Variants in TMEM132D observed in about 807,000 individuals in gnomAD.
TMEM132D encodes the protein transmembrane protein 132D, also known as mature OL transmembrane protein.
TMEM132D carries 21 observed loss-of-function variants against 62.3 expected under a neutral mutation model. That is an observed-to-expected ratio of 0.34 (90% CI 0.24 to 0.49). TMEM132D has a LOEUF of 0.49. Ranked by LOEUF, TMEM132D falls within the 20% of genes least tolerant of loss-of-function variation. TMEM132D has a pLI of 0.99. For missense variants in TMEM132D, 1,346 were observed against 1,402.8 expected (o/e 0.96, Z 0.65); for synonymous variants, 621 against 575.6 (o/e 1.08, Z -1.13).
intron 2 of TMEM132D, among the ~76,000 whole-genome samples, chr12:129,699,059 G>A (rs1445312904): frequency 1.3e-5 from 2 of 152,162 alleles, no homozygotes; most frequent in Non-Finnish European, 2.9e-5. Flanking sequence ...CTAAACAGCT[G>A]TTGTAATCAA....
At chr12:129,383,862 G>C (rs947048193) in intron 3 of TMEM132D, among the ~76,000 whole-genome samples, 7 of 152,180 alleles carry the variant, frequency 4.6e-5, no homozygotes, top group African/African-American at 1.4e-4. Flanking sequence ...CCAAATCCCA[G>C]AGAGCCTGAT....
At chr12:129,091,937 C>A (rs1422193624) in intron 5 of TMEM132D, among the ~76,000 whole-genome samples, 2 of 152,220 alleles carry the variant, frequency 1.3e-5, no homozygotes, top group African/African-American at 4.8e-5. Flanking sequence ...AACTCCCCCT[C>A]TGGGAGATGA....
In TMEM132D at chr12:129,392,015, C is replaced by A. The variant is rs1205626328; in HGVS notation, c.1116-54198G>T. ...CAGGTGATCTGCCTGCCTCAGCCTC[C>A]CAAAGTGTTGGGATTACAGGCGTGA... On this transcript the variant is annotated intron_variant, in intron 3 of 8. Transcript: ENST00000422113. Among the ~76,000 whole-genome samples the A allele has an allele frequency of 2.6e-5, 4 of 152,084 alleles. 1 individual carries two copies. The South Asian group carries it at 6.2e-4, about 24-fold the overall frequency.
chr12:129,688,122 T>C (rs574513932), intron 2 of TMEM132D, among the ~76,000 whole-genome samples: 1 of 152,198 alleles, frequency 6.6e-6, no homozygotes, highest in South Asian at 2.1e-4. Flanking sequence ...GGGATTAACA[T>C]CCTGAAAAGA....
chr12:129,869,015 T>C (rs985915339), intron 1 of TMEM132D, among the ~76,000 whole-genome samples: 6 of 151,746 alleles, frequency 4.0e-5, no homozygotes, highest in Admixed American at 3.3e-4. Flanking sequence ...TCATCATATC[T>C]GGCCCTTAGA....
chr12:129,662,017 T>C (rs1182951437), intron 2 of TMEM132D, among the ~76,000 whole-genome samples: 3 of 152,218 alleles, frequency 2.0e-5, no homozygotes, highest in Non-Finnish European at 2.9e-5. Flanking sequence ...AGAAGTGTAA[T>C]AGAAGCTCAG....
At chr12:129,606,909 T>G (rs997353537) in intron 2 of TMEM132D, among the ~76,000 whole-genome samples, 1 of 152,178 alleles carries the variant, frequency 6.6e-6, no homozygotes, top group Non-Finnish European at 1.5e-5. Context: ...CATAGAACAG[T>G]GAGAGGTGGC....
intron 4 of TMEM132D, among the ~76,000 whole-genome samples, chr12:129,285,345 C>A (rs1022292944): frequency 2.4e-5 from 3 of 126,450 alleles, no homozygotes; most frequent in Non-Finnish European, 5.0e-5. Context: ...ATAGTGAAAC[C>A]CTGTCTCCAC....
At chr12:129,721,787 G>A (rs1031066568) in intron 1 of TMEM132D, among the ~76,000 whole-genome samples, 7 of 152,150 alleles carry the variant, frequency 4.6e-5, no homozygotes, top group Non-Finnish European at 7.4e-5. Context: ...CCAGAGAACC[G>A]ACCCCAGCAA....
At position 129,605,454 on chromosome 12, in the gene TMEM132D, G is replaced by A. The variant is rs561005964; in HGVS notation, c.969-74249C>T. Among the ~76,000 whole-genome samples the A allele has an allele frequency of 1.7e-3, 255 of 151,702 alleles. 4 individuals carry two copies. The highest frequency in any genetic ancestry group is 4.7e-4 in the Non-Finnish European group (32 of 67,962). ...CTCACATCCAGGAAAAAATGGTCTCGTCTGATCTTATATTCTCCTGAATAG... is the reference window on the plus strand; with the variant it reads ...CTCACATCCAGGAAAAAATGGTCTCATCTGATCTTATATTCTCCTGAATAG... On this transcript the variant is annotated intron_variant, in intron 2 of 8. Coordinates refer to ENST00000422113, the MANE Select transcript of TMEM132D (RefSeq NM_133448.3).
intron 3 of TMEM132D, among the ~76,000 whole-genome samples, chr12:129,421,453 C>A (rs1872322263): frequency 6.6e-6 from 1 of 152,214 alleles, no homozygotes; most frequent in Non-Finnish European, 1.5e-5. Flanking sequence ...GCTTGTCGCA[C>A]CCCATGGGGG....
chr12:129,199,660 C>T (rs1024599394), intron 5 of TMEM132D, among the ~76,000 whole-genome samples: 3 of 152,204 alleles, frequency 2.0e-5, no homozygotes, highest in Admixed American at 6.5e-5. Flanking sequence ...CACAGTTCCA[C>T]ATGGCTGGGA....
At chr12:129,152,107 C>G (rs972041028) in intron 5 of TMEM132D, among the ~76,000 whole-genome samples, 1 of 152,102 alleles carries the variant, frequency 6.6e-6, no homozygotes, top group African/African-American at 2.4e-5. Context: ...GATCTCTTGA[C>G]CTCATGATCT....
At chr12:129,422,331 A>G (rs79696430) in intron 3 of TMEM132D, among the ~76,000 whole-genome samples, 2,530 of 152,250 alleles carry the variant, frequency 0.017, 87 homozygotes, top group African/African-American at 0.058. Flanking sequence ...ACATAATAAG[A>G]AGAGAACACC....
chr12:129,461,819 C>T (rs567090625), intron 3 of TMEM132D, among the ~76,000 whole-genome samples: 158 of 152,064 alleles, frequency 1.0e-3, no homozygotes, highest in Admixed American at 3.9e-3. Flanking sequence ...TCAGCAGGTA[C>T]ATAGATAGAG....
chr12:129,389,482 T>C (rs932229541), intron 3 of TMEM132D, among the ~76,000 whole-genome samples: 19 of 151,854 alleles, frequency 1.3e-4, no homozygotes, highest in African/African-American at 4.3e-4. Context: ...ACACCAACAC[T>C]AACACCAACA....
chr12:129,773,185 T>C (rs948554430), intron 1 of TMEM132D, among the ~76,000 whole-genome samples: 9 of 152,212 alleles, frequency 5.9e-5, no homozygotes, highest in Non-Finnish European at 2.9e-5. Flanking sequence ...TTAAAAAAGA[T>C]ACAGTCATTC....
At chr12:129,323,389 G>A (rs940249124) in intron 4 of TMEM132D, among the ~76,000 whole-genome samples, 1 of 150,466 alleles carries the variant, frequency 6.6e-6, no homozygotes, top group Non-Finnish European at 1.5e-5. Context: ...ACCAAACTCT[G>A]TGAACATGCT....
chr12:129,264,058 T>C (rs1438394004), intron 4 of TMEM132D, among the ~76,000 whole-genome samples: 1 of 152,188 alleles, frequency 6.6e-6, no homozygotes, highest in Non-Finnish European at 1.5e-5. Context: ...GGCCGTCACC[T>C]GCAGGCAGCC....
Sources: allele counts gnomAD v4.1 joint callset (sites outside exome capture counted in the v4.1 genomes callset), GRCh38; gene constraint gnomAD v4.1.1; transcripts MANE v1.5; gene names NCBI Gene and HGNC (gene_info 2026-07-23, HGNC 2026-07-21).